Variants in ARID1B observed in about 807,000 individuals in gnomAD.
ARID1B encodes the protein AT-rich interactive domain-containing protein 1B.
Under a neutral mutation model 212.3 loss-of-function variants are expected in ARID1B, and 30 were observed. The ratio of observed to expected loss-of-function variants is 0.14; its 90% CI spans 0.11 to 0.19. The LOEUF (loss-of-function observed/expected upper bound fraction) is 0.19, where lower values mean the gene tolerates loss of function less well. Ranked by LOEUF, ARID1B falls within the 10% of genes least tolerant of loss-of-function variation. The pLI is 1.00. For missense variants in ARID1B, 2,891 were observed against 3,204.0 expected, an observed-to-expected ratio of 0.90 and a Z score of 2.36; for synonymous variants, 1,402 against 1,301.7, an observed-to-expected ratio of 1.08 and a Z score of -1.66.
At chr6:156,991,762 C>T (rs1271683636) in intron 4 of ARID1B, among the ~76,000 whole-genome samples, 4 of 152,092 alleles carry the variant, frequency 2.6e-5, no homozygotes, top group East Asian at 3.8e-4. Context: ...TTATTCTAAA[C>T]GTCCTGAGTT....
chr6:156,983,480 T>A (rs946738419), intron 4 of ARID1B, among the ~76,000 whole-genome samples: 3 of 151,896 alleles, frequency 2.0e-5, no homozygotes, highest in Non-Finnish European at 4.4e-5. Flanking sequence ...TTCTTTGGGG[T>A]TATCATGTGA....
chr6:156,868,041 A>G (rs1192513532), intron 2 of ARID1B, among the ~76,000 whole-genome samples: 1 of 152,202 alleles, frequency 6.6e-6, no homozygotes, highest in East Asian at 1.9e-4. Flanking sequence ...TGGATGGGTC[A>G]TTTCCATCCT....
intron 7 of ARID1B, among the ~76,000 whole-genome samples, chr6:157,142,143 G>A (rs1037060372): frequency 2.6e-5 from 4 of 152,168 alleles, no homozygotes; most frequent in Non-Finnish European, 4.4e-5. Flanking sequence ...TCCATGTGAC[G>A]TTGTAGAGAA....
chr6:156,839,961 A>AT (rs1230341561), intron 2 of ARID1B, among the ~76,000 whole-genome samples: 1 of 152,262 alleles, frequency 6.6e-6, no homozygotes, highest in African/African-American at 2.4e-5. Flanking sequence ...GAGGCTGCGA[A>AT]TTTGAGTTCG....
intron 1 of ARID1B, among the ~76,000 whole-genome samples, chr6:156,789,938 C>T (rs1320890591): frequency 6.6e-6 from 1 of 152,154 alleles, no homozygotes; most frequent in East Asian, 1.9e-4. Flanking sequence ...TGTATTTTCT[C>T]ATGAATAAGG....
At chr6:156,870,224 G>T (rs1356873734) in intron 2 of ARID1B, 1 of 152,340 alleles carries the variant, frequency 6.6e-6, no homozygotes, top group Non-Finnish European at 1.5e-5. Flanking sequence ...GTGGCAACCA[G>T]AGAAGCTGGA....
chr6:156,881,065 G>A (rs1444654583), intron 2 of ARID1B, among the ~76,000 whole-genome samples: 1 of 152,198 alleles, frequency 6.6e-6, no homozygotes, highest in South Asian at 2.1e-4. Flanking sequence ...GACAGTGACA[G>A]CGTGTTGCCT....
intron 6 of ARID1B, among the ~76,000 whole-genome samples, chr6:157,124,190 C>T (rs1787977106): frequency 6.6e-6 from 1 of 152,208 alleles, no homozygotes; most frequent in Non-Finnish European, 1.5e-5. Context: ...ACGAAACAAT[C>T]CAATTTATTA....
chr6:157,108,435 C>T (rs991798109), intron 5 of ARID1B, among the ~76,000 whole-genome samples: 5 of 152,178 alleles, frequency 3.3e-5, no homozygotes, highest in Non-Finnish European at 7.3e-5. Flanking sequence ...ATGAATCCAG[C>T]CTGTCATGCA....
At chr6:156,879,881 C>A (rs969457908) in intron 2 of ARID1B, among the ~76,000 whole-genome samples, 2 of 152,222 alleles carry the variant, frequency 1.3e-5, no homozygotes, top group Non-Finnish European at 2.9e-5. Flanking sequence ...AGAGTCAACT[C>A]ATTCATGATA....
intron 2 of ARID1B, among the ~76,000 whole-genome samples, chr6:156,851,752 C>T (rs927983698): frequency 2.6e-5 from 4 of 152,238 alleles, no homozygotes; most frequent in Non-Finnish European, 1.5e-5. Context: ...TGGTCGAGTG[C>T]TTCACGTAGA....
rs1554237613 is a variant in ARID1B at position 157,206,872 on chromosome 6, A to G, written c.6100A>G (p.Lys2034Glu). Residue 2034 changes from lysine (K) to glutamate (E), a missense_variant, in exon 20 of 20, where the codon AAA becomes GAA. Coordinates refer to ENST00000636930, the MANE Select transcript of ARID1B (RefSeq NM_001374828.1). The surrounding 1 kb of genome is among the most constrained non-coding windows in gnomAD (Gnocchi z 6.8). ...SKFPFGIQQA[K>E]SHRNIKLLED... ...GTTTCCCTTTGGTATCCAGCAAGCC[A>G]AAAGTCACCGGAACATCAAGCTGCT... The G allele has an allele frequency of 6.2e-7, 1 of 1,614,190 alleles. No homozygotes were observed. Among genetic ancestry groups the G allele is most frequent in the Middle Eastern group, 1.6e-4 (1 of 6,062 alleles).
chr6:156,793,495 C>CT (rs1473821938), intron 1 of ARID1B, among the ~76,000 whole-genome samples: 3 of 152,112 alleles, frequency 2.0e-5, no homozygotes, highest in African/African-American at 7.2e-5. Context: ...GCCACCATGC[C>CT]TGCCTACTTT....
chr6:157,209,624 A>C lies in ARID1B; in HGVS notation c.*1733A>C, dbSNP rs200201116. ...CTCCATCTTAGTTTAATCAAAGTTC[A>C]ATCTATTCCTTGTTTCTTCTGTGTG... On this transcript the variant is annotated 3_prime_UTR_variant, in exon 20 of 20. Coordinates refer to ENST00000636930, the MANE Select transcript of ARID1B (RefSeq NM_001374828.1). 2.1e-5 allele frequency: 5 copies of C among 233,072 alleles called. No homozygotes were observed. The East Asian group carries it at 3.0e-4, about 14-fold the overall frequency. The allele number at this position is 233,072 out of a possible 1,614,324, so 14.4% of individuals were successfully genotyped here.
At chr6:157,121,490 A>G (rs1787707247) in intron 6 of ARID1B, among the ~76,000 whole-genome samples, 1 of 152,020 alleles carries the variant, frequency 6.6e-6, no homozygotes, top group South Asian at 2.1e-4. Flanking sequence ...TCCTTCTTTT[A>G]TATAGAAGAT....
intron 4 of ARID1B, among the ~76,000 whole-genome samples, chr6:156,974,246 A>G (rs1050085919): frequency 6.6e-6 from 1 of 152,214 alleles, no homozygotes; most frequent in Non-Finnish European, 1.5e-5. Flanking sequence ...TAAAACACGT[A>G]GATTATTTTG....
chr6:157,112,455 C>T (rs1786995385), intron 6 of ARID1B, among the ~76,000 whole-genome samples: 1 of 152,180 alleles, frequency 6.6e-6, no homozygotes, highest in Non-Finnish European at 1.5e-5. Context: ...CTACTCGGGT[C>T]AGGCAGAGAA....
chr6:156,804,459 T>C (rs1314914876), intron 1 of ARID1B, among the ~76,000 whole-genome samples: 1 of 152,110 alleles, frequency 6.6e-6, no homozygotes, highest in African/African-American at 2.4e-5. Flanking sequence ...AAGATATACC[T>C]GAGACTGGGT....
intron 2 of ARID1B, among the ~76,000 whole-genome samples, chr6:156,843,465 T>A (rs555151735): frequency 6.6e-6 from 1 of 152,182 alleles, no homozygotes; most frequent in East Asian, 1.9e-4. Flanking sequence ...AACTGGGGCT[T>A]TGCTCCAGAG....
Sources: gnomAD v4.1 joint callset for allele counts (sites outside exome capture counted in the v4.1 genomes callset) on GRCh38, gnomAD v4.1.1 for gene constraint, Gnocchi (gnomAD v3.1) non-coding constraint, MANE v1.5 for transcripts, NCBI Gene and HGNC (gene_info 2026-07-23, HGNC 2026-07-21) for gene names.